The following RNF185 variants were observed in gnomAD, a reference collection of about 807,000 sequenced individuals.
The protein encoded by RNF185 is ring finger protein 185.
Under a neutral mutation model 24.9 loss-of-function variants are expected in RNF185, and 13 were observed. The ratio of observed to expected loss-of-function variants is 0.52; its 90% CI spans 0.34 to 0.83. The LOEUF is 0.83. Ranked by LOEUF, RNF185 falls within the 40% of genes least tolerant of loss-of-function variation. The pLI, the probability that RNF185 is intolerant of heterozygous loss-of-function variation, is 0.01. For synonymous variants in RNF185, 79 were observed against 90.3 expected (o/e 0.88, Z 0.71); for missense variants, 184 against 244.7 (o/e 0.75, Z 1.65).
intron 1 of RNF185, among the ~76,000 whole-genome samples, chr22:31,161,624 A>G (rs1923580905): frequency 1.3e-5 from 2 of 152,196 alleles, no homozygotes; most frequent in South Asian, 2.1e-4. Context: ...TGAAGATTTT[A>G]TGTTTGACCA....
chr22:31,195,359 G>A (rs2048195387), intron 3 of RNF185, 110 bp from the exon 4 acceptor site: 1 of 627,422 alleles, frequency 1.6e-6, no homozygotes, highest in Admixed American at 2.9e-5. Flanking sequence ...CCCTGCTCAT[G>A]CTGGTGTTTC....
chr22:31,187,153 C>T lies in RNF185; in HGVS notation c.59C>T (p.Pro20Leu), dbSNP rs780627884. 1 of 1,613,510 alleles carries T rather than the reference C, an allele frequency of 6.2e-7. No homozygotes were observed. The highest frequency in any genetic ancestry group is 1.1e-5 in the South Asian group (1 of 91,050). Residue 20 changes from proline (P) to leucine (L), a missense_variant, in exon 2 of 7, where the codon CCC (proline) becomes CTC (leucine). Physicochemically the swap from Pro to Leu is moderately conservative, Grantham distance 98. Coordinates refer to ENST00000326132, the MANE Select transcript of RNF185 (RefSeq NM_152267.4). ...CCTGAGAACTCCAGTGCAGGGGGGC[C>T]CAGTGGGAGCAGCAATGGCGCTGGC... ...ASPENSSAGG[P>L]SGSSNGAGES...
intron 6 of RNF185, among the ~76,000 whole-genome samples, chr22:31,203,035 C>T (rs2048278604): frequency 6.6e-6 from 1 of 152,194 alleles, no homozygotes; most frequent in Admixed American, 6.5e-5. Flanking sequence ...GGGCAAATTC[C>T]TGTGAAGCCA....
intron 6 of RNF185, among the ~76,000 whole-genome samples, chr22:31,203,042 G>A (rs1201706890): frequency 6.6e-6 from 1 of 152,240 alleles, no homozygotes; most frequent in African/African-American, 2.4e-5. Flanking sequence ...TTCCTGTGAA[G>A]CCAGCAAGAA....
chr22:31,197,068 C>T (rs1211774397), intron 5 of RNF185, 78 bp downstream of exon 5: 1 of 1,581,450 alleles, frequency 6.3e-7, no homozygotes, highest in Middle Eastern at 1.7e-4. Context: ...TACAATTTTT[C>T]TCCTTGATTA....
At chr22:31,172,956 C>T (rs1262964886) in intron 1 of RNF185, among the ~76,000 whole-genome samples, 1 of 152,090 alleles carries the variant, frequency 6.6e-6, no homozygotes, top group Admixed American at 6.6e-5. Context: ...GGTATCTGTC[C>T]AGTCTGAAGA....
At chr22:31,168,787 T>C (rs1314128016) in intron 1 of RNF185, among the ~76,000 whole-genome samples, 2 of 152,238 alleles carry the variant, frequency 1.3e-5, no homozygotes, top group African/African-American at 4.8e-5. Context: ...GTGCTTTTGA[T>C]TTGCATTTCC....
intron 3 of RNF185, 51 bp from the exon 4 acceptor site, chr22:31,195,418 A>T: frequency 7.8e-7 from 1 of 1,281,120 alleles, no homozygotes; most frequent in Non-Finnish European, 1.1e-6. Context: ...CTGGCTGATC[A>T]CTCTGGTGGG....
intron 3 of RNF185, among the ~76,000 whole-genome samples, chr22:31,195,039 G>A (rs745510787): frequency 5.9e-5 from 9 of 151,862 alleles, no homozygotes; most frequent in Non-Finnish European, 1.2e-4. Context: ...TGCAACCTCC[G>A]CCTCCCGGGT....
Position 31,205,720 on chromosome 22 carries a change from C to G in RNF185, c.*1134C>G, listed in dbSNP as rs1440346963. On this transcript the variant is annotated 3_prime_UTR_variant, in exon 7 of 7. Transcript: ENST00000326132. ...AAAACTCCTTGTATGTGTGCTAAAA[C>G]CAGGGAAGCATGTGACTGCCAAGCA... The G allele has an allele frequency of 1.3e-5, 2 of 152,220 alleles. No individual in the cohort carries two copies. Among genetic ancestry groups the G allele is most frequent in the Non-Finnish European group, 2.9e-5 (2 of 68,046 alleles). 9.4% of individuals were successfully genotyped at this position (152,220 alleles called of 1,614,324 possible). A position where few individuals can be genotyped will look rare whatever the true frequency, so the allele number is the denominator to read the frequency against.
At chr22:31,178,495 A>G (rs1209904609) in intron 1 of RNF185, among the ~76,000 whole-genome samples, 2 of 152,208 alleles carry the variant, frequency 1.3e-5, no homozygotes, top group East Asian at 1.9e-4. Flanking sequence ...TCCAGATCCT[A>G]TTTAAATCTC....
At chr22:31,190,231 A>C (rs2048143057) in intron 2 of RNF185, among the ~76,000 whole-genome samples, 1 of 152,176 alleles carries the variant, frequency 6.6e-6, no homozygotes, top group African/African-American at 2.4e-5. Context: ...AGTGATTTTA[A>C]AATGTTATAG....
chr22:31,198,391 A>T (rs1601376795), intron 5 of RNF185, among the ~76,000 whole-genome samples: 1 of 126,386 alleles, frequency 7.9e-6, no homozygotes, highest in African/African-American at 3.1e-5. Flanking sequence ...CCATCTTTGC[A>T]CACTTTTTTT....
intron 2 of RNF185, among the ~76,000 whole-genome samples, chr22:31,190,214 A>G (rs1377808313): frequency 6.6e-6 from 1 of 152,248 alleles, no homozygotes; most frequent in Non-Finnish European, 1.5e-5. Context: ...AAAAGTTCCT[A>G]TAATCTAGTG....
chr22:31,197,833 T>G (rs1483739207), intron 5 of RNF185, among the ~76,000 whole-genome samples: 1 of 152,148 alleles, frequency 6.6e-6, no homozygotes, highest in Non-Finnish European at 1.5e-5. Flanking sequence ...TCCTCCCACC[T>G]CAGCCTCCCA....
intron 1 of RNF185, among the ~76,000 whole-genome samples, chr22:31,177,144 C>T (rs145952407): frequency 1.1e-4 from 16 of 152,258 alleles, no homozygotes; most frequent in Non-Finnish European, 2.2e-4. Flanking sequence ...CCCCAGCATT[C>T]CCTGTCTTCA....
At chr22:31,182,977 G>A (rs1369199922) in intron 1 of RNF185, 1 of 151,336 alleles carries the variant, frequency 6.6e-6, no homozygotes, top group Non-Finnish European at 1.5e-5. Context: ...AGGTTGGAGT[G>A]CGATGACACA....
Position 31,197,954 on chromosome 22 carries a change from C to T in RNF185, c.363+964C>T, listed in dbSNP as rs138843343. On this transcript the variant is annotated intron_variant, in intron 5 of 6. Coordinates refer to ENST00000326132, the MANE Select transcript of RNF185 (RefSeq NM_152267.4). The stretch of plus-strand genomic sequence containing the variant: ...ACATTTGTCTCTAGTGGTCTAGTGG[C>T]TAGGAACAAAAACATTTACATTTTT... Among the ~76,000 whole-genome samples the T allele has an allele frequency of 6.0e-3, 913 of 152,200 alleles. 13 individuals are homozygous for T. Among genetic ancestry groups the T allele is most frequent in the African/African-American group, 0.021 (860 of 41,512 alleles).
chr22:31,201,812 G>C (rs1029728100), intron 6 of RNF185, among the ~76,000 whole-genome samples, 197 bp downstream of exon 6: 10 of 152,260 alleles, frequency 6.6e-5, no homozygotes, highest in African/African-American at 2.4e-4. Context: ...TATTAGGCAT[G>C]CATATATATA....
Sources: allele counts gnomAD v4.1 joint callset (sites outside exome capture counted in the v4.1 genomes callset), GRCh38; gene constraint gnomAD v4.1.1; transcripts MANE v1.5; gene names NCBI Gene and HGNC (gene_info 2026-07-23, HGNC 2026-07-21).